Variants in PDCD10 observed in about 807,000 individuals in gnomAD.
PDCD10 encodes programmed cell death protein 10.
A neutral mutation model predicts 29.2 loss-of-function variants in PDCD10; 4 were observed. The observed-to-expected ratio is 0.14, with a 90% confidence interval of 0.07 to 0.31. PDCD10 has a LOEUF of 0.31. PDCD10 is among the 10% of genes least tolerant of loss of function. PDCD10 has a pLI of 1.00. For missense variants in PDCD10, 183 were observed against 257.9 expected (o/e 0.71, Z 1.99); for synonymous variants, 70 against 82.2 (o/e 0.85, Z 0.80).
intron 3 of PDCD10, among the ~76,000 whole-genome samples, chr3:167,716,600 TA>T (rs34154001): frequency 1.3e-3 from 192 of 150,768 alleles, no homozygotes; most frequent in African/African-American, 3.7e-3. Context: ...TTTATCTTCT[TA>T]AAAAAAAAGT....
rs1052006972 is a variant in PDCD10 at position 167,683,742 on chromosome 3, C to G, written c.*566G>C. 1.3e-5 allele frequency: 2 copies of G among 150,844 alleles called. No individual in the cohort carries two copies. The highest frequency in any genetic ancestry group is 4.9e-5 in the African/African-American group (2 of 41,132). The allele number at this position is 150,844 out of a possible 1,614,324, so 9.3% of individuals were successfully genotyped here. A position where few individuals can be genotyped will look rare whatever the true frequency, so the allele number is the denominator to read the frequency against. On this transcript the variant is annotated 3_prime_UTR_variant, in exon 9 of 9. Coordinates refer to ENST00000392750, the MANE Select transcript of PDCD10 (RefSeq NM_007217.4). ...ACTCTGTGTCCAAAGTGATTAAGGACAAAAATAGAAATTCTTGCTTTATTA... is the reference window on the plus strand; with the variant it reads ...ACTCTGTGTCCAAAGTGATTAAGGAGAAAAATAGAAATTCTTGCTTTATTA...
In PDCD10 at chr3:167,683,555, G is replaced by C. The variant is rs1465353128; in HGVS notation, c.*753C>G. 1 of 151,824 alleles carries C rather than the reference G, an allele frequency of 6.6e-6. No individual in the cohort carries two copies. The highest frequency in any genetic ancestry group is 1.5e-5 in the Non-Finnish European group (1 of 67,880). The allele number at this position is 151,824 out of a possible 1,614,324, so 9.4% of individuals were successfully genotyped here. ...AGTATACGAAAGGCTTAATTTTTAAGAGTCAAATCTACATTTGTCACAAGA... is the reference window on the plus strand; with the variant it reads ...AGTATACGAAAGGCTTAATTTTTAACAGTCAAATCTACATTTGTCACAAGA... On this transcript the variant is annotated 3_prime_UTR_variant, in exon 9 of 9. Coordinates refer to ENST00000392750, the MANE Select transcript of PDCD10 (RefSeq NM_007217.4).
chr3:167,731,174 T>A (rs1724767244), intron 2 of PDCD10, among the ~76,000 whole-genome samples: 1 of 152,172 alleles, frequency 6.6e-6, no homozygotes, highest in Non-Finnish European at 1.5e-5. Flanking sequence ...TTAATACTAC[T>A]ACCTAGAGGA....
At chr3:167,700,921 T>C (rs1426838328) in intron 4 of PDCD10, among the ~76,000 whole-genome samples, 1 of 151,960 alleles carries the variant, frequency 6.6e-6, no homozygotes, top group Non-Finnish European at 1.5e-5. Flanking sequence ...AAGGAAAAAA[T>C]AGCCACAAAG....
At chr3:167,685,100 C>A (rs1205092535) in intron 8 of PDCD10, among the ~76,000 whole-genome samples, 3 of 151,984 alleles carry the variant, frequency 2.0e-5, no homozygotes, top group Non-Finnish European at 4.4e-5. Context: ...CACCCGCATC[C>A]TAGACATTTC....
intron 2 of PDCD10, among the ~76,000 whole-genome samples, chr3:167,728,492 A>G (rs190229740): frequency 6.6e-6 from 1 of 152,346 alleles, no homozygotes; most frequent in African/African-American, 2.4e-5. Flanking sequence ...GAATGACTGA[A>G]TAAGACAGGG....
In PDCD10 at chr3:167,720,254, G is replaced by C. The variant is rs1261248231; in HGVS notation, c.-97C>G. ...CTCTTTTTTGGTGATAAAAGAATTGGACACAAAAAACACACTGATCTGGTG... is the reference window on the plus strand; with the variant it reads ...CTCTTTTTTGGTGATAAAAGAATTGCACACAAAAAACACACTGATCTGGTG... On this transcript the variant is annotated 5_prime_UTR_variant, in exon 3 of 9. Coordinates refer to ENST00000392750, the MANE Select transcript of PDCD10 (RefSeq NM_007217.4). 8 of 819,820 alleles carry C rather than the reference G, an allele frequency of 9.8e-6. No individual in the cohort carries two copies. The highest frequency in any genetic ancestry group is 1.7e-5 in the Non-Finnish European group (8 of 478,420). 50.8% of individuals were successfully genotyped at this position (819,820 alleles called of 1,614,324 possible). A position where few individuals can be genotyped will look rare whatever the true frequency, so the allele number is the denominator to read the frequency against.
At chr3:167,701,007 T>C (rs559423794) in intron 4 of PDCD10, among the ~76,000 whole-genome samples, 50 of 152,294 alleles carry the variant, frequency 3.3e-4, no homozygotes, top group African/African-American at 1.2e-3. Flanking sequence ...TACTGTTCTG[T>C]GCAAATGAAG....
Position 167,697,121 on chromosome 3 carries a change from T to G in PDCD10, c.156A>C (p.Glu52Asp), listed in dbSNP as rs1458605236. The change falls in exon 5 of 9, where the codon GAA (glutamate) becomes GAC (aspartate). Residue 52 changes from glutamate to aspartate, a missense_variant. Physicochemically the swap from Glu to Asp is conservative, Grantham distance 45. Transcript: ENST00000392750. ...QTLRAAFIKA[E>D]KENPGLTQDI... The stretch of plus-strand genomic sequence containing the variant: ...CTTGTGTGAGACCTGGATTTTCTTT[T>G]TCAGCCTATAATAAAGAGAAAACTA... The G allele has an allele frequency of 1.9e-6, 3 of 1,552,296 alleles. No homozygotes were observed. In the African/African-American group the frequency reaches 4.1e-5, roughly 21 times the overall value.
At chr3:167,716,622 C>T (rs1271129480) in intron 3 of PDCD10, among the ~76,000 whole-genome samples, 1 of 151,130 alleles carries the variant, frequency 6.6e-6, no homozygotes, top group Non-Finnish European at 1.5e-5. Flanking sequence ...AGGTAGGTAA[C>T]GTTGGAGAGG....
chr3:167,730,623 T>C (rs1724711081), intron 2 of PDCD10: 1 of 152,124 alleles, frequency 6.6e-6, no homozygotes, highest in Non-Finnish European at 1.5e-5. Context: ...CAAGATCTTG[T>C]GGAAGAGTAA....
intron 4 of PDCD10, 98 bp downstream of exon 4, chr3:167,704,744 G>T (rs1396636704): frequency 1.2e-6 from 1 of 838,442 alleles, no homozygotes; most frequent in Non-Finnish European, 2.0e-6. Context: ...GGCTAAAAAG[G>T]CTTTCCCTTA....
intron 2 of PDCD10, among the ~76,000 whole-genome samples, chr3:167,720,563 G>C (rs923179454): frequency 1.3e-5 from 2 of 151,934 alleles, no homozygotes; most frequent in South Asian, 4.2e-4. Flanking sequence ...ATGGAATAAT[G>C]ATGTATGTCA....
intron 3 of PDCD10, among the ~76,000 whole-genome samples, chr3:167,708,417 A>G (rs2108448185): frequency 6.6e-6 from 1 of 152,312 alleles, no homozygotes; most frequent in Non-Finnish European, 1.5e-5. Flanking sequence ...TGAATTGTGT[A>G]CAAATCTACT....
chr3:167,712,660 G>GAA (rs776032043), intron 3 of PDCD10, among the ~76,000 whole-genome samples: 1 of 151,766 alleles, frequency 6.6e-6, no homozygotes, highest in Non-Finnish European at 1.5e-5. Flanking sequence ...CTAGTCAAAA[G>GAA]AAAAAGAGTG....
intron 2 of PDCD10, 99 bp from the exon 3 acceptor site, chr3:167,720,372 GA>G: frequency 3.8e-6 from 2 of 524,200 alleles, no homozygotes; most frequent in Non-Finnish European, 6.9e-6. Context: ...CCTATTTTAT[GA>G]AAAGCTATTT....
At chr3:167,705,678 A>G (rs562502600) in intron 3 of PDCD10, among the ~76,000 whole-genome samples, 2 of 152,356 alleles carry the variant, frequency 1.3e-5, no homozygotes, top group East Asian at 3.9e-4. Context: ...TGAACCATTT[A>G]GCTTAATATT....
At chr3:167,696,951 T>G in intron 5 of PDCD10, 58 bp downstream of exon 5, 1 of 881,690 alleles carries the variant, frequency 1.1e-6, no homozygotes, top group Non-Finnish European at 1.9e-6. Flanking sequence ...TAATAATGAT[T>G]TAGAGGAAGT....
At chr3:167,697,194 T>C in intron 4 of PDCD10, 68 bp from the exon 5 acceptor site, 3 of 874,834 alleles carry the variant, frequency 3.4e-6, no homozygotes, top group Admixed American at 3.5e-5. Flanking sequence ...CAAAGTTTAA[T>C]TGTTTAGAAT....
Sources: allele counts gnomAD v4.1 joint callset (sites outside exome capture counted in the v4.1 genomes callset), GRCh38; gene constraint gnomAD v4.1.1; transcripts MANE v1.5; gene names NCBI Gene and HGNC (gene_info 2026-07-23, HGNC 2026-07-21).